TUBGCP5: variants seen among roughly 807,000 people sequenced by gnomAD.
The protein encoded by TUBGCP5 is tubulin gamma complex component 5, also known as gamma-tubulin complex component 5.
Under a neutral mutation model 134.7 loss-of-function variants are expected in TUBGCP5, and 98 were observed. The ratio of observed to expected loss-of-function variants is 0.73; its 90% CI spans 0.62 to 0.86. The LOEUF is 0.86. Ranked by LOEUF, TUBGCP5 falls within the 40% of genes least tolerant of loss-of-function variation. The pLI is 0.00. For synonymous variants in TUBGCP5, 456 were observed against 431.4 expected (o/e 1.06, Z -0.71); for missense variants, 1,150 against 1,244.8 (o/e 0.92, Z 1.15).
chr15:23,015,060 A>G (rs1196457005), intron 13 of TUBGCP5, among the ~76,000 whole-genome samples: 1 of 152,078 alleles, frequency 6.6e-6, no homozygotes, highest in African/African-American at 2.4e-5. Context: ...CAGTCCAGCA[A>G]GCCCATCCCA....
At position 23,039,534 on chromosome 15, in the gene TUBGCP5, GC is replaced by G. The variant is rs2066807818; in HGVS notation, c.9del (p.His4ThrfsTer38). On this transcript the variant is annotated frameshift_variant, in exon 1 of 23. Transcript: ENST00000615383. LOFTEE classifies it high-confidence loss of function. Reference sequence around the variant, plus strand: ...TCCAACCGACTCCACGGTGGCCCGTGCCGCGCCATGTTCCGCGCTCCTGCAG... The same window carrying G: ...TCCAACCGACTCCACGGTGGCCCGTGCGCGCCATGTTCCGCGCTCCTGCAG... The part of the protein sequence containing the change: MA[R>X]HGPPWSRLDA... The G allele has an allele frequency of 2.0e-6, 3 of 1,475,632 alleles. No homozygotes were observed. The highest frequency in any genetic ancestry group is 2.8e-5 in the East Asian group (1 of 35,646). The allele number at this position is 1,475,632 out of a possible 1,614,324, so 91.4% of individuals were successfully genotyped here. A position where few individuals can be genotyped will look rare whatever the true frequency, so the allele number is the denominator to read the frequency against.
chr15:23,008,497 G>A (rs963666890), intron 16 of TUBGCP5: 1 of 636,648 alleles, frequency 1.6e-6, no homozygotes, highest in East Asian at 3.1e-5. Context: ...GACCTCAGGT[G>A]ATCCACCGCC....
intron 13 of TUBGCP5, among the ~76,000 whole-genome samples, chr15:23,015,504 T>C (rs2065261303): frequency 6.6e-6 from 1 of 151,934 alleles, no homozygotes; most frequent in East Asian, 2.0e-4. Flanking sequence ...TAGCCAGGCG[T>C]GGTGGCACAT....
Position 23,030,974 on chromosome 15 carries a change from C to T in TUBGCP5, c.533G>A (p.Ser178Asn), listed in dbSNP as rs2140649357. 1.2e-6 allele frequency: 2 copies of T among 1,613,380 alleles called. No individual in the cohort carries two copies. The highest frequency in any genetic ancestry group is 1.7e-6 in the Non-Finnish European group (2 of 1,179,804). Reference protein sequence around the residue: ...SEEENDQQPLSREDSGIQVDR... With the variant: ...SEEENDQQPLNREDSGIQVDR... ...TACCTGAATTCCAGAGTCCTCTCTG[C>T]TTAAGGGCTGTTGATCATTTTCCTC... The change falls in exon 6 of 23, where the codon AGC (serine) becomes AAC (asparagine). Residue 178 changes from serine (S) to asparagine (N), a missense_variant. By Grantham distance (46) the Ser-to-Asn change is conservative. Around this residue, in one of 2 missense-constraint regions of TUBGCP5, gnomAD observed 453 missense variants for 394.7 expected, o/e 1.15. Coordinates refer to ENST00000615383, the MANE Select transcript of TUBGCP5 (RefSeq NM_052903.6).
At chr15:22,984,011 C>T (rs2140327178) in intron 23 of TUBGCP5, among the ~76,000 whole-genome samples, 1 of 152,024 alleles carries the variant, frequency 6.6e-6, no homozygotes, top group South Asian at 2.1e-4. Flanking sequence ...TCCCAGCTAC[C>T]ACTGAGGCTG....
At chr15:22,991,543 A>C (rs998595631) in intron 23 of TUBGCP5, among the ~76,000 whole-genome samples, 16 of 152,060 alleles carry the variant, frequency 1.1e-4, no homozygotes, top group Non-Finnish European at 1.3e-4. Context: ...GCTTGGGGAG[A>C]GGCAGGGAGC....
intron 11 of TUBGCP5, among the ~76,000 whole-genome samples, chr15:23,020,584 C>CAAAAAAAAACAAA (rs2065620089): frequency 1.3e-5 from 1 of 76,242 alleles, no homozygotes; most frequent in Non-Finnish European, 2.5e-5. Context: ...GACTACGTCT[C>CAAAAAAAAACAAA]AAAAAAAAAA....
At chr15:22,986,745 A>G (rs1309276060) in intron 23 of TUBGCP5, among the ~76,000 whole-genome samples, 1 of 150,710 alleles carries the variant, frequency 6.6e-6, no homozygotes, top group Non-Finnish European at 1.5e-5. Context: ...CTCAAAAAAA[A>G]AAAAAGAAAG....
chr15:23,027,425 T>C, intron 6 of TUBGCP5, 119 bp from the exon 7 acceptor site: 1 of 728,258 alleles, frequency 1.4e-6, no homozygotes, highest in East Asian at 2.9e-5. Context: ...AAATAACAGC[T>C]ACCTAACATT....
Position 23,017,991 on chromosome 15 carries a change from G to A in TUBGCP5, c.1538C>T (p.Thr513Met), listed in dbSNP as rs1344404194. The A allele has an allele frequency of 1.2e-6, 2 of 1,613,920 alleles. No individual in the cohort carries two copies. Among genetic ancestry groups the A allele is most frequent in the Admixed American group, 1.7e-5 (1 of 60,016 alleles). The change falls in exon 13 of 23, where the codon ACG becomes ATG. Residue 513 changes from threonine to methionine, a missense_variant. Thr to Met is a moderately conservative substitution (Grantham distance 81, BLOSUM62 -1). This residue lies in a region of TUBGCP5 where 697 missense variants were observed against 850.1 expected (regional missense o/e 0.82). Transcript: ENST00000615383. ...TGTCTTTTCTGATACGCTATATAAC[G>A]TGTAAGTTGCATACCAGAAGTCTCT... is the stretch of plus-strand genomic sequence containing the variant. ...NHRDFWYATYTLYSVSEKTEN... is the reference protein window; with the variant it reads ...NHRDFWYATYMLYSVSEKTEN...
intron 11 of TUBGCP5, 107 bp from the exon 12 acceptor site, chr15:23,019,441 A>C: frequency 2.7e-6 from 2 of 736,388 alleles, no homozygotes; most frequent in South Asian, 1.7e-5. Context: ...TCGGATTTCT[A>C]TGTTTTTTGG....
chr15:23,011,258 G>A lies in TUBGCP5; in HGVS notation c.1830C>T (p.Ser610=), dbSNP rs774888287. The A allele has an allele frequency of 1.1e-5, 18 of 1,613,736 alleles. No homozygotes were observed. The South Asian group carries it at 1.8e-4, about 16-fold the overall frequency. ...VQSRLRHGED[S]TPQVLTEQQA... ...GTTGCTCAGTAAGAACCTGTGGAGT[G>A]GAATCTTCTCCATGTCGAAGACGGG... Residue 610 remains serine (S), a synonymous_variant, in exon 14 of 23, where the codon TCC becomes TCT. Coordinates refer to ENST00000615383, the MANE Select transcript of TUBGCP5 (RefSeq NM_052903.6).
At position 23,017,464 on chromosome 15, in the gene TUBGCP5, TAAAAG is replaced by T. The variant is rs1019618797; in HGVS notation, c.1756+304_1756+308del. On this transcript the variant is annotated intron_variant, in intron 13 of 22. Transcript: ENST00000615383. ...TTATTATGTCAATTTATAAAAATAATAAAAGAAAAGAAATGGCAGGGGATTACTTT... is the reference window on the plus strand; with the variant it reads ...TTATTATGTCAATTTATAAAAATAATAAAAGAAATGGCAGGGGATTACTTT... Among the ~76,000 whole-genome samples, 28 of 152,134 alleles carry T rather than the reference TAAAAG, an allele frequency of 1.8e-4. 1 individual carries two copies. The highest frequency in any genetic ancestry group is 1.6e-3 in the Admixed American group (24 of 15,260).
Position 22,993,527 on chromosome 15 carries a change from T to TTTTTTC in TUBGCP5, c.*61+3317_*61+3318insGAAAAA, listed in dbSNP as rs1567083075. ...ATCCTCCCACCTCAGCCCCCGAAGT[T>TTTTTTC]TTTTTTTTTTTTTTTTTTTTTTTTT... On this transcript the variant is annotated intron_variant and NMD_transcript_variant, in intron 23 of 23. Transcript: ENST00000614508. 3.3e-4 allele frequency among the ~76,000 whole-genome samples: 23 copies of TTTTTTC among 68,840 alleles called. 1 individual carries two copies. Among genetic ancestry groups the TTTTTTC allele is most frequent in the African/African-American group, 2.9e-3 (22 of 7,536 alleles). 45.2% of individuals were successfully genotyped at this position (68,840 alleles called of 152,430 possible).
chr15:22,985,288 T>G (rs1269566038), intron 23 of TUBGCP5, among the ~76,000 whole-genome samples: 1 of 152,138 alleles, frequency 6.6e-6, no homozygotes, highest in Non-Finnish European at 1.5e-5. Context: ...GCGTGATCTC[T>G]GCTCACCACA....
In TUBGCP5 at chr15:23,004,175, T is replaced by G. The variant is rs1336821682; in HGVS notation, c.2765A>C (p.Asp922Ala). Residue 922 changes from aspartate (D) to alanine (A), a missense_variant, in exon 20 of 23, where the codon GAT (aspartate) becomes GCT (alanine). By Grantham distance (126) the Asp-to-Ala change is moderately radical. Transcript: ENST00000615383. Reference sequence around the variant, plus strand: ...GTGAATTTTAATCAATTGATCTAAATCCTTGGCTTCCTCGACTTGATGTTG... The same window carrying G: ...GTGAATTTTAATCAATTGATCTAAAGCCTTGGCTTCCTCGACTTGATGTTG... ...EFQHQVEEAK[D>A]LDQLIKIHYR... The G allele has an allele frequency of 6.2e-7, 1 of 1,613,476 alleles. No homozygotes were observed. Among genetic ancestry groups the G allele is most frequent in the South Asian group, 1.1e-5 (1 of 90,856 alleles).
At chr15:23,038,359 C>T (rs894870206) in intron 1 of TUBGCP5, among the ~76,000 whole-genome samples, 2 of 152,124 alleles carry the variant, frequency 1.3e-5, no homozygotes, top group Non-Finnish European at 2.9e-5. Flanking sequence ...TCTCCCAGCT[C>T]TAAAATGATG....
chr15:23,008,708 T>TC lies in TUBGCP5; in HGVS notation c.2317dup (p.Asp773GlyfsTer2), dbSNP rs1567114401. ...GGCGTCCATATTTTACCGTGAACTA[T>TC]CTTCAGGATAACGCTGTCCTACTGC... On this transcript the variant is annotated frameshift_variant, in exon 16 of 23. Coordinates refer to ENST00000615383, the MANE Select transcript of TUBGCP5 (RefSeq NM_052903.6). LOFTEE classifies it high-confidence loss of function. The TC allele has an allele frequency of 6.2e-7, 1 of 1,607,472 alleles. No individual in the cohort carries two copies. Among genetic ancestry groups the TC allele is most frequent in the Admixed American group, 1.7e-5 (1 of 57,790 alleles).
Position 23,021,942 on chromosome 15 carries a change from G to A in TUBGCP5, c.1371+17C>T. 6.2e-7 allele frequency: 1 copy of A among 1,612,954 alleles called. No individual in the cohort carries two copies. The highest frequency in any genetic ancestry group is 1.7e-5 in the Admixed American group (1 of 60,012). On this transcript the variant is annotated intron_variant, in intron 11 of 22. Coordinates refer to ENST00000615383, the MANE Select transcript of TUBGCP5 (RefSeq NM_052903.6). The stretch of plus-strand genomic sequence containing the variant: ...TGCAGCATGGAGTCACACACTTTAG[G>A]CAGAAGTCTCACTTACGGTTTGCTC...
Sources: gnomAD v4.1 joint callset for allele counts (sites outside exome capture counted in the v4.1 genomes callset) on GRCh38, gnomAD v4.1.1 for gene constraint, gnomAD v4.1.1 regional missense constraint, MANE v1.5 for transcripts, NCBI Gene and HGNC (gene_info 2026-07-23, HGNC 2026-07-21) for gene names.